Variants in TMEM132C observed in about 807,000 individuals in gnomAD.
The protein encoded by TMEM132C is transmembrane protein 132C.
Under a neutral mutation model 61.4 loss-of-function variants are expected in TMEM132C, and 29 were observed. The observed-to-expected ratio is 0.47, with a 90% CI of 0.35 to 0.64. The LOEUF (loss-of-function observed/expected upper bound fraction) is 0.64, where lower values mean the gene tolerates loss of function less well. Among genes scored for constraint, TMEM132C ranks in the 30% least tolerant of loss-of-function variants. TMEM132C has a pLI of 0.00. For synonymous variants in TMEM132C, 656 were observed against 633.1 expected (o/e 1.04, Z -0.54); for missense variants, 1,408 against 1,476.9 (o/e 0.95, Z 0.76).
intron 1 of TMEM132C, among the ~76,000 whole-genome samples, chr12:128,412,832 A>T (rs1258758303): frequency 3.3e-5 from 5 of 152,160 alleles, no homozygotes; most frequent in Admixed American, 3.3e-4. Flanking sequence ...CTTCTGCACC[A>T]TGCTTTTTCA....
chr12:128,405,095 A>C (rs2136013528), intron 1 of TMEM132C, among the ~76,000 whole-genome samples: 1 of 151,126 alleles, frequency 6.6e-6, no homozygotes, highest in East Asian at 2.0e-4. Flanking sequence ...CAGGTCAATA[A>C]AAATGACTCA....
intron 4 of TMEM132C, among the ~76,000 whole-genome samples, chr12:128,645,177 G>A (rs954714206): frequency 1.3e-5 from 2 of 152,180 alleles, no homozygotes; most frequent in African/African-American, 2.4e-5. Context: ...CCAAGCCACC[G>A]TCTGTGGAGG....
rs1872540265 is a variant in TMEM132C at position 128,326,934 on chromosome 12, A to G, written c.85+59447A>G. On this transcript the variant is annotated intron_variant, in intron 1 of 8. Transcript: ENST00000435159. This position sits in a 1 kb window ranked among gnomAD's most constrained non-coding sequence, Gnocchi z 5.6. ...GGAAGCTCAAGATTAGCCGTGTCGT[A>G]GGGGGAAAATGTTAGAACGACTATT... Among the ~76,000 whole-genome samples, 2 of 149,962 alleles carry G rather than the reference A, an allele frequency of 1.3e-5. No individual in the cohort carries two copies. The highest frequency in any genetic ancestry group is 2.9e-5 in the Non-Finnish European group (2 of 68,030).
In TMEM132C at chr12:128,695,809, CT is replaced by C; in HGVS notation, c.1656-20del. 1 of 1,524,566 alleles carries C rather than the reference CT, an allele frequency of 6.6e-7. No homozygotes were observed. The highest frequency in any genetic ancestry group is 1.3e-5 in the South Asian group (1 of 79,934). 94.4% of individuals were successfully genotyped at this position (1,524,566 alleles called of 1,614,324 possible). A position where few individuals can be genotyped will look rare whatever the true frequency, so the allele number is the denominator to read the frequency against. On this transcript the variant is annotated intron_variant, in intron 6 of 8. Coordinates refer to ENST00000435159, the MANE Select transcript of TMEM132C (RefSeq NM_001136103.3). ...AGACTCCTCTCCCTGGATCTGAGAGCTCTTTGTCCCTTCCCACAAGGCCCAC... is the reference window on the plus strand; with the variant it reads ...AGACTCCTCTCCCTGGATCTGAGAGCCTTTGTCCCTTCCCACAAGGCCCAC...
chr12:128,540,325 C>T (rs1378231059), intron 2 of TMEM132C, among the ~76,000 whole-genome samples: 6 of 152,194 alleles, frequency 3.9e-5, no homozygotes, highest in Admixed American at 2.6e-4. Flanking sequence ...ACGATCTTGG[C>T]TCACTGCAAC....
intron 2 of TMEM132C, among the ~76,000 whole-genome samples, chr12:128,458,096 G>A (rs961070031): frequency 1.1e-4 from 17 of 151,300 alleles, no homozygotes; most frequent in Admixed American, 3.3e-4. Flanking sequence ...AATATCTGTC[G>A]TACACAATAG....
At chr12:128,412,971 G>T (rs1392855963) in intron 1 of TMEM132C, among the ~76,000 whole-genome samples, 1 of 152,084 alleles carries the variant, frequency 6.6e-6, no homozygotes, top group Non-Finnish European at 1.5e-5. Flanking sequence ...CTGCATAGAG[G>T]TATGAATGTT....
chr12:128,518,439 C>T (rs954872734), intron 2 of TMEM132C, among the ~76,000 whole-genome samples: 5 of 152,128 alleles, frequency 3.3e-5, no homozygotes, highest in South Asian at 2.1e-4. Flanking sequence ...TTGGCATCCT[C>T]GTTCTTAGAG....
chr12:128,465,767 C>A (rs1870711070), intron 2 of TMEM132C, among the ~76,000 whole-genome samples: 1 of 152,332 alleles, frequency 6.6e-6, no homozygotes, highest in Non-Finnish European at 1.5e-5. Flanking sequence ...GCATGCCACG[C>A]GTTAAGGTGC....
At chr12:128,617,418 T>G (rs1174673480) in intron 4 of TMEM132C, among the ~76,000 whole-genome samples, 1 of 152,218 alleles carries the variant, frequency 6.6e-6, no homozygotes, top group African/African-American at 2.4e-5. Context: ...TGGAACTGAT[T>G]GGCTTGGGTC....
intron 1 of TMEM132C, among the ~76,000 whole-genome samples, chr12:128,318,641 A>G (rs1872227305): frequency 6.6e-6 from 1 of 152,218 alleles, no homozygotes; most frequent in African/African-American, 2.4e-5. Context: ...AGCTAATTGC[A>G]TGCCATTTTT....
chr12:128,564,225 G>C (rs1375044548), intron 3 of TMEM132C, among the ~76,000 whole-genome samples: 1 of 152,136 alleles, frequency 6.6e-6, no homozygotes, highest in Non-Finnish European at 1.5e-5. Flanking sequence ...AGCTCTGAAA[G>C]GCCTCACCTC....
chr12:128,446,486 A>G (rs1039796987), intron 2 of TMEM132C, among the ~76,000 whole-genome samples: 20 of 152,362 alleles, frequency 1.3e-4, no homozygotes, highest in African/African-American at 4.1e-4. Flanking sequence ...TTTCCTGATC[A>G]TGAGTTGTCC....
chr12:128,686,648 T>G (rs1282404832), intron 5 of TMEM132C, among the ~76,000 whole-genome samples: 1 of 152,114 alleles, frequency 6.6e-6, no homozygotes, highest in African/African-American at 2.4e-5. Context: ...GCCACCAGTT[T>G]GCAAGCTCTG....
intron 1 of TMEM132C, among the ~76,000 whole-genome samples, chr12:128,303,617 A>C (rs1338206430): frequency 6.6e-6 from 1 of 152,232 alleles, no homozygotes. Flanking sequence ...CATCAGGAGA[A>C]GTTTGCACGT....
intron 1 of TMEM132C, among the ~76,000 whole-genome samples, chr12:128,401,268 AACACC>A (rs1359331947): frequency 6.6e-6 from 1 of 152,226 alleles, no homozygotes; most frequent in African/African-American, 2.4e-5. Context: ...CCCCTGGATT[AACACC>A]AATCATTCTC....
chr12:128,682,917 G>A (rs1954646886), intron 5 of TMEM132C, among the ~76,000 whole-genome samples: 1 of 152,184 alleles, frequency 6.6e-6, no homozygotes, highest in African/African-American at 2.4e-5. Context: ...CTGGAACAGG[G>A]CACTCTTCCT....
intron 4 of TMEM132C, among the ~76,000 whole-genome samples, chr12:128,626,457 A>ATTTTTTTTTTTTTTTT (rs1555237606): frequency 8.3e-6 from 1 of 120,008 alleles, no homozygotes; most frequent in Non-Finnish European, 1.7e-5. Context: ...TTTTATTTTT[A>ATTTTTTTTTTTTTTTT]TTTTTGAGAT....
intron 4 of TMEM132C, among the ~76,000 whole-genome samples, chr12:128,623,468 C>CAA (rs56335710): frequency 7.0e-6 from 1 of 143,118 alleles, no homozygotes; most frequent in African/African-American, 2.5e-5. Context: ...TGAAACCTGC[C>CAA]AAAAAAAAAA....
Sources: gnomAD v4.1 joint callset for allele counts (sites outside exome capture counted in the v4.1 genomes callset) on GRCh38, gnomAD v4.1.1 for gene constraint, Gnocchi (gnomAD v3.1) non-coding constraint, MANE v1.5 for transcripts, NCBI Gene and HGNC (gene_info 2026-07-23, HGNC 2026-07-21) for gene names.